SLC25A6: variants seen among roughly 807,000 people sequenced by gnomAD.
SLC25A6 encodes ADP/ATP translocase 3.
A neutral mutation model predicts 25.7 loss-of-function variants in SLC25A6; 9 were observed. That is an observed-to-expected ratio of 0.35 (90% CI 0.21 to 0.61). The LOEUF is 0.61. Among genes scored for constraint, SLC25A6 ranks in the 20% least tolerant of loss-of-function variants. SLC25A6 has a pLI of 0.76. For missense variants in SLC25A6, 404 were observed against 440.5 expected (o/e 0.92, Z 0.74); for synonymous variants, 223 against 197.0 (o/e 1.13, Z -1.11).
Position 1,387,432 on chromosome X carries a change from G to T in SLC25A6, c.599-13C>A, listed in dbSNP as rs771203397. ...TCGGGGAGCATGCCTGCGCGGGAAC[G>T]GCACGTCACCGTCTCCAGCGCCTGC... On this transcript the variant is annotated splice_polypyrimidine_tract_variant and intron_variant, in intron 2 of 3. Coordinates refer to ENST00000381401, the MANE Select transcript of SLC25A6 (RefSeq NM_001636.4). 4 of 1,610,774 alleles carry T rather than the reference G, an allele frequency of 2.5e-6. No homozygotes were observed. The highest frequency in any genetic ancestry group is 3.4e-6 in the Non-Finnish European group (4 of 1,179,218).
Position 1,389,485 on chromosome X carries a change from G to T in SLC25A6, c.354C>A (p.Ala118=), listed in dbSNP as rs1488017948. ...QFWRYFAGNL[A]SGGAAGATSL... is the part of the protein sequence containing the mutation. ...AGGTCGCGCCGGCCGCACCGCCGGA[G>T]GCCAGGTTGCCCGCAAAGTACCTCC... The change falls in exon 2 of 4, where the codon GCC becomes GCA. Residue 118 remains alanine (A), a synonymous_variant. Coordinates refer to ENST00000381401, the MANE Select transcript of SLC25A6 (RefSeq NM_001636.4). The T allele has an allele frequency of 6.2e-7, 1 of 1,614,018 alleles. No individual in the cohort carries two copies. The highest frequency in any genetic ancestry group is 1.3e-5 in the African/African-American group (1 of 74,936).
rs1177649415 is a variant in SLC25A6, at chrX:1,390,918, C to T, written c.111+981G>A. ...GGCCTCTCAAAGTGCGGGGACACCC[C>T]GCCTGCTAAGTTTTAAAAATTTTCT... On this transcript the variant is annotated intron_variant, in intron 1 of 3. Transcript: ENST00000381401. Among the ~76,000 whole-genome samples the T allele has an allele frequency of 4.0e-5, 6 of 149,098 alleles. 1 individual carries two copies. The South Asian group carries it at 8.6e-4, about 21-fold the overall frequency.
chrX:1,386,787 C>T (rs2089330807), intron 3 of SLC25A6, 28 bp from the exon 4 acceptor site: 1 of 1,595,192 alleles, frequency 6.3e-7, no homozygotes, highest in East Asian at 2.2e-5. Context: ...CAGTGAGGGC[C>T]TCGCCGCCAA....
At chrX:1,391,617 G>C (rs191244661) in intron 1 of SLC25A6, among the ~76,000 whole-genome samples, 1 of 152,204 alleles carries the variant, frequency 6.6e-6, no homozygotes, top group Non-Finnish European at 1.5e-5. Flanking sequence ...CCCGCCAGCC[G>C]CAGGGTCCGT....
chrX:1,387,696 C>G (rs117479148), intron 2 of SLC25A6, among the ~76,000 whole-genome samples: 4,185 of 152,308 alleles, frequency 0.027, 183 homozygotes, highest in African/African-American at 0.096. Flanking sequence ...GAATAGGGCC[C>G]TGACCTTCTG....
Position 1,387,324 on chromosome X carries a change from C to T in SLC25A6, c.694G>A (p.Asp232Asn), listed in dbSNP as rs1259145926. The change falls in exon 3 of 4, where the codon GAC (aspartate) becomes AAC (asparagine). Residue 232 changes from aspartate to asparagine, a missense_variant. Coordinates refer to ENST00000381401, the MANE Select transcript of SLC25A6 (RefSeq NM_001636.4). ...ATCATCATGCGCCGCCGCACCGTGT[C>T]GAAGGGGTAGGACACCACGCCGGCC... ...AVAGVVSYPF[D>N]TVRRRMMMQS... The T allele has an allele frequency of 4.3e-6, 7 of 1,613,366 alleles. No individual in the cohort carries two copies. Among genetic ancestry groups the T allele is most frequent in the Admixed American group, 1.7e-5 (1 of 60,008 alleles).
rs777494704 is a variant in SLC25A6, at chrX:1,386,462, C to T, written c.*140G>A. The T allele has an allele frequency of 2.1e-5, 24 of 1,164,542 alleles. No homozygotes were observed. The South Asian group carries it at 4.6e-4, about 22-fold the overall frequency. The allele number at this position is 1,164,542 out of a possible 1,614,324, so 72.1% of individuals were successfully genotyped here. ...ATGCGCCCCTTTTCTAGAGCCTTCC[C>T]CGGCCATCTACAGGCAGGATGCGGC... On this transcript the variant is annotated 3_prime_UTR_variant, in exon 4 of 4. Coordinates refer to ENST00000381401, the MANE Select transcript of SLC25A6 (RefSeq NM_001636.4).
Position 1,389,667 on chromosome X carries a change from T to C in SLC25A6, c.172A>G (p.Ile58Val), listed in dbSNP as rs1192652417. 6.8e-6 allele frequency: 11 copies of C among 1,613,972 alleles called. No homozygotes were observed. Among genetic ancestry groups the C allele is most frequent in the Non-Finnish European group, 8.5e-6 (10 of 1,179,968 alleles). ...CCCTGCTCCTTGGGGATGCGGACAA[T>C]GCAGTCCACGATGCCCTTGTACTGC... ...DKQYKGIVDC[I>V]VRIPKEQGVL... Residue 58 changes from isoleucine (I) to valine (V), a missense_variant, in exon 2 of 4, where the codon ATT becomes GTT. Coordinates refer to ENST00000381401, the MANE Select transcript of SLC25A6 (RefSeq NM_001636.4).
rs2089421686 is a variant in SLC25A6 at position 1,392,041 on chromosome X, A to C, written c.-32T>G. The stretch of plus-strand genomic sequence containing the variant: ...AGGGCGGGCAGCGGAACGGGAGGAC[A>C]GCCGGAGAACGGGCGCGGAGAGTGA... On this transcript the variant is annotated 5_prime_UTR_variant, in exon 1 of 4. Transcript: ENST00000381401. 6.5e-7 allele frequency: 1 copy of C among 1,540,856 alleles called. No individual in the cohort carries two copies. Among genetic ancestry groups the C allele is most frequent in the Admixed American group, 1.8e-5 (1 of 56,078 alleles).
At position 1,386,597 on chromosome X, in the gene SLC25A6, G is replaced by A. The variant is rs755143529; in HGVS notation, c.*5C>T. On this transcript the variant is annotated 3_prime_UTR_variant, in exon 4 of 4. Transcript: ENST00000381401. ...TGTGTGTGTGTGTGGAGGAGGCCGC[G>A]GCCCTTAGATCACCTTCTTGAGCTC... The A allele has an allele frequency of 1.1e-5, 17 of 1,547,858 alleles. No individual in the cohort carries two copies. Among genetic ancestry groups the A allele is most frequent in the Admixed American group, 1.0e-4 (5 of 48,308 alleles).
At position 1,389,674 on chromosome X, in the gene SLC25A6, C is replaced by A. The variant is rs2089376156; in HGVS notation, c.165G>T (p.Val55=). ...CCTTGGGGATGCGGACAATGCAGTC[C>A]ACGATGCCCTTGTACTGCTTGTCGG... ...IAADKQYKGI[V]DCIVRIPKEQ... is the part of the protein sequence containing the mutation. Residue 55 remains valine (V), a synonymous_variant, in exon 2 of 4, where the codon GTG becomes GTT. Transcript: ENST00000381401. 6.2e-7 allele frequency: 1 copy of A among 1,613,868 alleles called. No homozygotes were observed. Among genetic ancestry groups the A allele is most frequent in the Admixed American group, 1.7e-5 (1 of 59,990 alleles).
At chrX:1,389,872 C>T in intron 1 of SLC25A6, 145 bp from the exon 2 acceptor site, 1 of 1,415,504 alleles carries the variant, frequency 7.1e-7, no homozygotes, top group East Asian at 2.3e-5. Flanking sequence ...ATTCTCCTGT[C>T]TCAGCCTCCC....
At position 1,387,267 on chromosome X, in the gene SLC25A6, C is replaced by G; in HGVS notation, c.739+12G>C. 1 of 1,610,058 alleles carries G rather than the reference C, an allele frequency of 6.2e-7. No individual in the cohort carries two copies. The highest frequency in any genetic ancestry group is 8.5e-7 in the Non-Finnish European group (1 of 1,177,984). On this transcript the variant is annotated intron_variant, in intron 3 of 3. Transcript: ENST00000381401. ...CTTCCCGGCAGCAAGGGTCCCCCGC[C>G]CCCCCGAGTACCTCCTTTGCGCCCG...
In SLC25A6 at chrX:1,392,075, C is replaced by CT; in HGVS notation, c.-67_-66insA. The CT allele has an allele frequency of 8.1e-7, 1 of 1,238,406 alleles. No homozygotes were observed. The highest frequency in any genetic ancestry group is 1.5e-5 in the African/African-American group (1 of 66,190). 76.7% of individuals were successfully genotyped at this position (1,238,406 alleles called of 1,614,324 possible). ...ACGGGCGCGGAGAGTGAATGGAGGG[C>CT]GTCGCTGGCTCAGCCCTGCCGCCGC... On this transcript the variant is annotated 5_prime_UTR_variant, in exon 1 of 4. Transcript: ENST00000381401.
chrX:1,390,859 G>C (rs748530710), intron 1 of SLC25A6, among the ~76,000 whole-genome samples: 7 of 151,266 alleles, frequency 4.6e-5, no homozygotes, highest in African/African-American at 1.2e-4. Flanking sequence ...GCCCTGGCTG[G>C]TCTCAAACTC....
rs374228601 is a variant in SLC25A6, at chrX:1,386,754, T to C, written c.745A>G (p.Ile249Val). 89 of 1,604,036 alleles carry C rather than the reference T, an allele frequency of 5.5e-5. 1 individual carries two copies. Among genetic ancestry groups the C allele is most frequent in the South Asian group, 1.1e-4 (10 of 90,006 alleles). ...CAGTCGACGGTGCCCGTGTACATGA[T>C]GTCAGCTGCAACGACAGGGAGACAG... ...MMQSGRKGAD[I>V]MYTGTVDCWR... The change falls in exon 4 of 4, where the codon ATC becomes GTC. Residue 249 changes from isoleucine (I) to valine (V), a missense_variant. Coordinates refer to ENST00000381401, the MANE Select transcript of SLC25A6 (RefSeq NM_001636.4).
chrX:1,392,003 C>G lies in SLC25A6; in HGVS notation c.7G>C (p.Glu3Gln), dbSNP rs747453946. The G allele has an allele frequency of 1.2e-6, 2 of 1,606,408 alleles. No homozygotes were observed. Among genetic ancestry groups the G allele is most frequent in the South Asian group, 2.2e-5 (2 of 89,680 alleles). The change falls in exon 1 of 4, where the codon GAA becomes CAA. Residue 3 changes from glutamate (E) to glutamine (Q), a missense_variant. Physicochemically the swap from Glu to Gln is conservative, Grantham distance 29. Transcript: ENST00000381401. ...TCTTTGGCGAAGGAGATGGCCTGTTCCGTCATGGTGGCAGGGCGGGCAGCG... is the reference window on the plus strand; with the variant it reads ...TCTTTGGCGAAGGAGATGGCCTGTTGCGTCATGGTGGCAGGGCGGGCAGCG... MT[E>Q]QAISFAKDFL...
chrX:1,392,104 G>C lies in SLC25A6; in HGVS notation c.-95C>G. 1 of 891,042 alleles carries C rather than the reference G, an allele frequency of 1.1e-6. No individual in the cohort carries two copies. The highest frequency in any genetic ancestry group is 1.8e-6 in the Non-Finnish European group (1 of 563,850). 55.2% of individuals were successfully genotyped at this position (891,042 alleles called of 1,614,324 possible). A position where few individuals can be genotyped will look rare whatever the true frequency, so the allele number is the denominator to read the frequency against. ...GCTGGCTCAGCCCTGCCGCCGCCTG[G>C]ACCGAAAGGACGGAGCAGCCACCGC... On this transcript the variant is annotated 5_prime_UTR_variant, in exon 1 of 4. Coordinates refer to ENST00000381401, the MANE Select transcript of SLC25A6 (RefSeq NM_001636.4).
chrX:1,387,455 T>G lies in SLC25A6; in HGVS notation c.599-36A>C, dbSNP rs1485458573. 11 of 1,607,146 alleles carry G rather than the reference T, an allele frequency of 6.8e-6. 1 individual carries two copies. The highest frequency in any genetic ancestry group is 2.2e-5 in the East Asian group (1 of 44,806). ...ACGGCACGTCACCGTCTCCAGCGCCTGCACGGCCACCCGAGACCAGGGTCG... is the reference window on the plus strand; with the variant it reads ...ACGGCACGTCACCGTCTCCAGCGCCGGCACGGCCACCCGAGACCAGGGTCG... On this transcript the variant is annotated intron_variant, in intron 2 of 3. Transcript: ENST00000381401.
Sources: gnomAD v4.1 joint callset for allele counts (sites outside exome capture counted in the v4.1 genomes callset) on GRCh38, gnomAD v4.1.1 for gene constraint, MANE v1.5 for transcripts, NCBI Gene and HGNC (gene_info 2026-07-23, HGNC 2026-07-21) for gene names.